The following SHH variants were observed in gnomAD, a reference collection of about 807,000 sequenced individuals.
The protein encoded by SHH is sonic hedgehog protein.
A neutral mutation model predicts 16.6 loss-of-function variants in SHH; 3 were observed. The ratio of observed to expected loss-of-function variants is 0.18; its 90% confidence interval spans 0.08 to 0.47. SHH has a LOEUF of 0.47. Ranked by LOEUF, SHH falls within the 20% of genes least tolerant of loss-of-function variation. The probability of loss-of-function intolerance (pLI) is 0.98; values close to 1 mark genes in which losing one functional copy is unlikely to be tolerated. For synonymous variants in SHH, 351 were observed against 316.2 expected, an observed-to-expected ratio of 1.11 and a Z score of -1.17; for missense variants, 499 against 665.0, an observed-to-expected ratio of 0.75 and a Z score of 2.75.
chr7:155,805,523 T>A (rs1803333311), intron 2 of SHH, among the ~76,000 whole-genome samples: 1 of 152,194 alleles, frequency 6.6e-6, no homozygotes, highest in African/African-American at 2.4e-5. Flanking sequence ...ACGTGCCAAT[T>A]TATGCGGGCG....
rs550784642 is a variant in SHH at position 155,800,465 on chromosome 7, C to G, written c.*2435G>C. 4.5e-6 allele frequency: 2 copies of G among 442,714 alleles called. No homozygotes were observed. Among genetic ancestry groups the G allele is most frequent in the East Asian group, 1.4e-4 (2 of 14,116 alleles). The allele number at this position is 442,714 out of a possible 1,614,324, so 27.4% of individuals were successfully genotyped here. ...CACCATGGCCTCAGGCACCTTGGGG[C>G]TTGGTCAACGCCTGGCTTCTCTCTG... is the stretch of plus-strand genomic sequence containing the variant. On this transcript the variant is annotated 3_prime_UTR_variant, in exon 3 of 3. Transcript: ENST00000297261.
rs1418062116 is a variant in SHH, at chr7:155,812,290, T to C, written c.-168A>G. The C allele has an allele frequency of 4.4e-6, 3 of 686,056 alleles. No homozygotes were observed. The highest frequency in any genetic ancestry group is 5.4e-5 in the East Asian group (2 of 36,710). 42.5% of individuals were successfully genotyped at this position (686,056 alleles called of 1,614,324 possible). A position where few individuals can be genotyped will look rare whatever the true frequency, so the allele number is the denominator to read the frequency against. Reference sequence around the variant, plus strand: ...CTGCCTCGCTCTTTCTCTTCCTATATAACCTTGCCCGCCGCGGCTGCGGGG... The same window carrying C: ...CTGCCTCGCTCTTTCTCTTCCTATACAACCTTGCCCGCCGCGGCTGCGGGG... On this transcript the variant is annotated 5_prime_UTR_variant, in exon 1 of 3. Transcript: ENST00000297261.
In SHH at chr7:155,803,284, C is replaced by T. The variant is rs587778774; in HGVS notation, c.1005G>A (p.Val335=). The part of the protein sequence containing the change: ...RRLLPAAVHS[V]TLSEEAAGAY... Reference sequence around the variant, plus strand: ...CGCCCGCGGCCTCCTCGCTTAGGGTCACGCTGTGCACAGCGGCGGGCAGGA... The same window carrying T: ...CGCCCGCGGCCTCCTCGCTTAGGGTTACGCTGTGCACAGCGGCGGGCAGGA... Residue 335 remains valine (V), a synonymous_variant, in exon 3 of 3, where the codon GTG becomes GTA. Coordinates refer to ENST00000297261, the MANE Select transcript of SHH (RefSeq NM_000193.4). 13 of 1,496,286 alleles carry T rather than the reference C, an allele frequency of 8.7e-6. No homozygotes were observed. Among genetic ancestry groups the T allele is most frequent in the Non-Finnish European group, 1.2e-5 (13 of 1,130,344 alleles). The allele number at this position is 1,496,286 out of a possible 1,614,324, so 92.7% of individuals were successfully genotyped here. A position where few individuals can be genotyped will look rare whatever the true frequency, so the allele number is the denominator to read the frequency against.
chr7:155,805,111 G>A (rs941800076), intron 2 of SHH, among the ~76,000 whole-genome samples: 66 of 151,916 alleles, frequency 4.3e-4, no homozygotes, highest in African/African-American at 1.5e-3. Context: ...CGCGATCCGG[G>A]GGATGGATTA....
Position 155,807,409 on chromosome 7 carries a change from G to A in SHH, c.301-852C>T, listed in dbSNP as rs1803394856. 6.9e-6 allele frequency: 1 copy of A among 144,900 alleles called. No individual in the cohort carries two copies. The highest frequency in any genetic ancestry group is 2.5e-5 in the African/African-American group (1 of 40,120). The allele number at this position is 144,900 out of a possible 1,614,324, so 9.0% of individuals were successfully genotyped here. Reference sequence around the variant, plus strand: ...CCCAGCATAGAATGGCGTCCAGCAAGTTTGAAGAGCAAACTGAAGAGGTGG... The same window carrying A: ...CCCAGCATAGAATGGCGTCCAGCAAATTTGAAGAGCAAACTGAAGAGGTGG... On this transcript the variant is annotated intron_variant, in intron 1 of 2. Transcript: ENST00000297261. This position sits in a 1 kb window ranked among gnomAD's most constrained non-coding sequence, Gnocchi z 7.1.
At position 155,809,629 on chromosome 7, in the gene SHH, C is replaced by G. The variant is rs934736342; in HGVS notation, c.300+2194G>C. ...CGGCCTGGCTCTCCTCACCCAACCC[C>G]CACTTGGGCCGTCCTTCCCCCTCCT... On this transcript the variant is annotated intron_variant, in intron 1 of 2. Transcript: ENST00000297261. The surrounding 1 kb of genome is among the most constrained non-coding windows in gnomAD (Gnocchi z 6.1). 1.3e-5 allele frequency among the ~76,000 whole-genome samples: 2 copies of G among 152,210 alleles called. No individual in the cohort carries two copies. Among genetic ancestry groups the G allele is most frequent in the African/African-American group, 2.4e-5 (1 of 41,468 alleles).
chr7:155,803,338 C>T lies in SHH; in HGVS notation c.951G>A (p.Val317=). The T allele has an allele frequency of 1.4e-6, 2 of 1,473,902 alleles. No individual in the cohort carries two copies. Among genetic ancestry groups the T allele is most frequent in the East Asian group, 2.9e-5 (1 of 34,510 alleles). The allele number at this position is 1,473,902 out of a possible 1,614,324, so 91.3% of individuals were successfully genotyped here. ...GGCGGTCCCCGTCACGCTCGGCCAC[C>T]ACGTACACGCGCTGGCCCGGGCGCA... ...SRVRPGQRVY[V]VAERDGDRRL... The change falls in exon 3 of 3, where the codon GTG becomes GTA. Residue 317 remains valine, a synonymous_variant. Transcript: ENST00000297261.
chr7:155,800,879 TCCC>T lies in SHH; in HGVS notation c.*2018_*2020del. On this transcript the variant is annotated 3_prime_UTR_variant, in exon 3 of 3. Coordinates refer to ENST00000297261, the MANE Select transcript of SHH (RefSeq NM_000193.4). ...GGGGCTGAAGTCTGTTCACTCCTGT[TCCC>T]TAAGCCTGGACCACCTTCTACACAG... 1 of 323,086 alleles carries T rather than the reference TCCC, an allele frequency of 3.1e-6. No individual in the cohort carries two copies. 20.0% of individuals were successfully genotyped at this position (323,086 alleles called of 1,614,324 possible). A position where few individuals can be genotyped will look rare whatever the true frequency, so the allele number is the denominator to read the frequency against.
At chr7:155,811,572 G>A (rs560837311) in intron 1 of SHH, among the ~76,000 whole-genome samples, 16 of 152,254 alleles carry the variant, frequency 1.1e-4, no homozygotes, top group African/African-American at 3.1e-4. Flanking sequence ...CATCAAATCA[G>A]GGCCATAATG....
chr7:155,808,413 G>A (rs1307098013), intron 1 of SHH, among the ~76,000 whole-genome samples: 1 of 152,252 alleles, frequency 6.6e-6, no homozygotes, highest in African/African-American at 2.4e-5. Flanking sequence ...CAGGGAGAGG[G>A]CGGCAGGGTG....
In SHH at chr7:155,800,738, C is replaced by T. The variant is rs1803161732; in HGVS notation, c.*2162G>A. 1 of 438,536 alleles carries T rather than the reference C, an allele frequency of 2.3e-6. No homozygotes were observed. Among genetic ancestry groups the T allele is most frequent in the African/African-American group, 2.1e-5 (1 of 48,762 alleles). 27.2% of individuals were successfully genotyped at this position (438,536 alleles called of 1,614,324 possible). On this transcript the variant is annotated 3_prime_UTR_variant, in exon 3 of 3. Coordinates refer to ENST00000297261, the MANE Select transcript of SHH (RefSeq NM_000193.4). ...GCTCCTGAGGAGAGGGCTCCAGAGGCCCTGCGCCATCCACCTGGTCACACA... is the reference window on the plus strand; with the variant it reads ...GCTCCTGAGGAGAGGGCTCCAGAGGTCCTGCGCCATCCACCTGGTCACACA...
At chr7:155,808,614 T>A (rs1335992036) in intron 1 of SHH, among the ~76,000 whole-genome samples, 1 of 152,108 alleles carries the variant, frequency 6.6e-6, no homozygotes, top group Non-Finnish European at 1.5e-5. Flanking sequence ...CCGCGCGGCC[T>A]CGGCTGGCGG....
In SHH at chr7:155,800,238, T is replaced by G; in HGVS notation, c.*2662A>C. 3 of 470,448 alleles carry G rather than the reference T, an allele frequency of 6.4e-6. No homozygotes were observed. Among genetic ancestry groups the G allele is most frequent in the Non-Finnish European group, 1.3e-5 (3 of 226,814 alleles). The allele number at this position is 470,448 out of a possible 1,614,324, so 29.1% of individuals were successfully genotyped here. A position where few individuals can be genotyped will look rare whatever the true frequency, so the allele number is the denominator to read the frequency against. ...TAGTGTCTCTAAGCAGTGGTTTCCT[T>G]TCCTTGCCTGTGAAAAAGAGAATTT... is the stretch of plus-strand genomic sequence containing the variant. On this transcript the variant is annotated 3_prime_UTR_variant, in exon 3 of 3. Transcript: ENST00000297261.
At position 155,802,185 on chromosome 7, in the gene SHH, C is replaced by T. The variant is rs1408359747; in HGVS notation, c.*715G>A. On this transcript the variant is annotated 3_prime_UTR_variant, in exon 3 of 3. Transcript: ENST00000297261. ...CAAGAATGTGGCAAAATGGTGAATA[C>T]AAAGGGAATATGAAACCATAAAGAC... 6.7e-6 allele frequency: 1 copy of T among 148,884 alleles called. No homozygotes were observed. Among genetic ancestry groups the T allele is most frequent in the East Asian group, 2.0e-4 (1 of 5,100 alleles). 9.2% of individuals were successfully genotyped at this position (148,884 alleles called of 1,614,324 possible).
Position 155,803,640 on chromosome 7 carries a change from C to G in SHH, c.649G>C (p.Asp217His). 1 of 1,598,144 alleles carries G rather than the reference C, an allele frequency of 6.3e-7. No homozygotes were observed. Among genetic ancestry groups the G allele is most frequent in the Non-Finnish European group, 8.5e-7 (1 of 1,179,460 alleles). ...AGCACGCGGTCCCCGGGGCTCAGGT[C>G]CTTCACCAGCTTGGTGCCGCCCTGC... ...LEQGGTKLVK[D>H]LSPGDRVLAA... The change falls in exon 3 of 3, where the codon GAC becomes CAC. Residue 217 changes from aspartate to histidine, a missense_variant. By Grantham distance (81) the Asp-to-His change is moderately conservative. Coordinates refer to ENST00000297261, the MANE Select transcript of SHH (RefSeq NM_000193.4).
At position 155,800,299 on chromosome 7, in the gene SHH, G is replaced by C. The variant is rs1349468463; in HGVS notation, c.*2601C>G. 1 of 454,418 alleles carries C rather than the reference G, an allele frequency of 2.2e-6. No homozygotes were observed. The highest frequency in any genetic ancestry group is 2.0e-5 in the African/African-American group (1 of 49,788). 28.1% of individuals were successfully genotyped at this position (454,418 alleles called of 1,614,324 possible). A position where few individuals can be genotyped will look rare whatever the true frequency, so the allele number is the denominator to read the frequency against. On this transcript the variant is annotated 3_prime_UTR_variant, in exon 3 of 3. Transcript: ENST00000297261. Reference sequence around the variant, plus strand: ...GCAGTGGACGCATCTTAAGAAGATGGACCAGGAGGGCTGGGGACAGCACCC... The same window carrying C: ...GCAGTGGACGCATCTTAAGAAGATGCACCAGGAGGGCTGGGGACAGCACCC...
chr7:155,808,507 G>A (rs975115157), intron 1 of SHH, among the ~76,000 whole-genome samples: 4 of 152,232 alleles, frequency 2.6e-5, no homozygotes, highest in African/African-American at 7.2e-5. Flanking sequence ...GGGTCCAGCC[G>A]GGCCGCGACG....
In SHH at chr7:155,802,575, T is replaced by C. The variant is rs1803211429; in HGVS notation, c.*325A>G. The C allele has an allele frequency of 9.2e-6, 2 of 218,352 alleles. No individual in the cohort carries two copies. The highest frequency in any genetic ancestry group is 2.3e-5 in the African/African-American group (1 of 43,920). 13.5% of individuals were successfully genotyped at this position (218,352 alleles called of 1,614,324 possible). A position where few individuals can be genotyped will look rare whatever the true frequency, so the allele number is the denominator to read the frequency against. On this transcript the variant is annotated 3_prime_UTR_variant, in exon 3 of 3. Transcript: ENST00000297261. ...AATAAATTATCCAAGAAACAAACTA[T>C]TTAAGGCTCTTGAAGGTCCGGTTCA...
At position 155,800,872 on chromosome 7, in the gene SHH, C is replaced by T. The variant is rs1803165528; in HGVS notation, c.*2028G>A. The T allele has an allele frequency of 9.1e-6, 3 of 330,932 alleles. No individual in the cohort carries two copies. The highest frequency in any genetic ancestry group is 3.9e-5 in the Admixed American group (1 of 25,332). The allele number at this position is 330,932 out of a possible 1,614,324, so 20.5% of individuals were successfully genotyped here. ...GCCAGGTGGGGCTGAAGTCTGTTCA[C>T]TCCTGTTCCCTAAGCCTGGACCACC... On this transcript the variant is annotated 3_prime_UTR_variant, in exon 3 of 3. Transcript: ENST00000297261.
Sources: allele counts gnomAD v4.1 joint callset (sites outside exome capture counted in the v4.1 genomes callset), GRCh38; gene constraint gnomAD v4.1.1; non-coding constraint Gnocchi (gnomAD v3.1); transcripts MANE v1.5; gene names NCBI Gene and HGNC (gene_info 2026-07-23, HGNC 2026-07-21).